Variants in C1QTNF3 observed in about 807,000 individuals in gnomAD.
The protein encoded by C1QTNF3 is C1q and TNF related 3.
C1QTNF3 carries 26 observed loss-of-function variants against 32.6 expected under a neutral mutation model. The observed-to-expected ratio is 0.80, with a 90% CI of 0.58 to 1.11. The LOEUF (loss-of-function observed/expected upper bound fraction) is 1.11, where lower values mean the gene tolerates loss of function less well. Ranked by LOEUF, C1QTNF3 falls within the 50% of genes least tolerant of loss-of-function variation. C1QTNF3 has a pLI of 0.00. For synonymous variants in C1QTNF3, 155 were observed against 146.0 expected (o/e 1.06, Z -0.44); for missense variants, 362 against 398.2 (o/e 0.91, Z 0.77).
At chr5:34,217,968 T>A in the C1QTNF3 span, among the ~76,000 whole-genome samples, 4 of 151,890 alleles carry the variant, frequency 2.6e-5, no homozygotes, top group African/African-American at 9.7e-5. Context: ...ACATTCCATT[T>A]TGGCCTATTT....
chr5:34,109,703 G>A, the C1QTNF3 span, among the ~76,000 whole-genome samples: 1 of 152,230 alleles, frequency 6.6e-6, no homozygotes, highest in Admixed American at 6.5e-5. Context: ...CAAAGTGATA[G>A]GGAACTCTGC....
the C1QTNF3 span, among the ~76,000 whole-genome samples, chr5:34,127,043 G>A: frequency 4.6e-5 from 7 of 152,172 alleles, no homozygotes; most frequent in African/African-American, 1.2e-4. Flanking sequence ...TTTGCCTTCC[G>A]CCATGATTGT....
chr5:34,058,428 G>GT, the C1QTNF3 span, among the ~76,000 whole-genome samples: 2 of 152,116 alleles, frequency 1.3e-5, no homozygotes, highest in Non-Finnish European at 2.9e-5. Context: ...CTTTTCTGTC[G>GT]TATTTCCGGC....
intron 3 of C1QTNF3, among the ~76,000 whole-genome samples, chr5:34,031,499 A>C (rs1754611943): frequency 6.6e-6 from 1 of 152,092 alleles, no homozygotes; most frequent in Non-Finnish European, 1.5e-5. Flanking sequence ...TTTGTTTGTA[A>C]ATTTATATTG....
At chr5:34,029,077 A>G (rs530187017) in intron 3 of C1QTNF3, 194 bp from the exon 4 acceptor site, 2 of 422,684 alleles carry the variant, frequency 4.7e-6, no homozygotes, top group South Asian at 4.9e-5. Context: ...GACAATGTCT[A>G]TCAACAGTTC....
chr5:34,030,840 C>G lies in C1QTNF3; in HGVS notation c.571-1957G>C, dbSNP rs150349377. On this transcript the variant is annotated intron_variant, in intron 3 of 5. Coordinates refer to ENST00000382065, the MANE Select transcript of C1QTNF3 (RefSeq NM_181435.6). ...AGCAAACTAATGCAGGAACAGAAAACCAAACACTGCATGTTCTCATGTATA... is the reference window on the plus strand; with the variant it reads ...AGCAAACTAATGCAGGAACAGAAAAGCAAACACTGCATGTTCTCATGTATA... 5.3e-3 allele frequency among the ~76,000 whole-genome samples: 808 copies of G among 152,194 alleles called. 7 individuals carry two copies. Among genetic ancestry groups the G allele is most frequent in the African/African-American group, 0.018 (766 of 41,530 alleles).
chr5:34,067,473 G>C, the C1QTNF3 span, among the ~76,000 whole-genome samples: 1 of 152,230 alleles, frequency 6.6e-6, no homozygotes, highest in African/African-American at 2.4e-5. Flanking sequence ...ATGGCAGAAG[G>C]CAAGGAGGAG....
chr5:34,139,667 A>G, the C1QTNF3 span, among the ~76,000 whole-genome samples: 9 of 152,210 alleles, frequency 5.9e-5, no homozygotes, highest in Non-Finnish European at 1.2e-4. Context: ...AAATAAAATG[A>G]TAGAACTAAT....
the C1QTNF3 span, among the ~76,000 whole-genome samples, chr5:34,213,796 TATATATATATATA>T: frequency 7.3e-4 from 2 of 2,750 alleles, no homozygotes; most frequent in Non-Finnish European, 1.9e-3. Context: ...CATATATATA[TATATATATATATA>T]TTTTTTTTTT....
chr5:34,074,217 C>A, the C1QTNF3 span, among the ~76,000 whole-genome samples: 1 of 148,870 alleles, frequency 6.7e-6, no homozygotes, highest in Non-Finnish European at 1.5e-5. Context: ...CACGTGTCTA[C>A]AAGAAAGATA....
the C1QTNF3 span, among the ~76,000 whole-genome samples, chr5:34,119,802 T>G: frequency 6.6e-6 from 1 of 152,152 alleles, no homozygotes; most frequent in African/African-American, 2.4e-5. Context: ...TAACTCCCTC[T>G]TCCATATTTT....
At chr5:34,068,792 G>GT in the C1QTNF3 span, among the ~76,000 whole-genome samples, 128 of 152,260 alleles carry the variant, frequency 8.4e-4, no homozygotes, top group African/African-American at 3.1e-3. Flanking sequence ...TTTACAGAGT[G>GT]TAACATTATA....
the C1QTNF3 span, among the ~76,000 whole-genome samples, chr5:34,214,689 A>C: frequency 6.6e-6 from 1 of 152,244 alleles, no homozygotes; most frequent in East Asian, 1.9e-4. Context: ...ACTAAGTCCC[A>C]TATTGTCATT....
the C1QTNF3 span, among the ~76,000 whole-genome samples, chr5:34,102,234 C>G: frequency 6.6e-6 from 1 of 152,094 alleles, no homozygotes; most frequent in African/African-American, 2.4e-5. Context: ...AGCATGACAT[C>G]TCATTTCGTC....
chr5:34,082,713 C>T, the C1QTNF3 span, among the ~76,000 whole-genome samples: 1 of 151,652 alleles, frequency 6.6e-6, no homozygotes, highest in Non-Finnish European at 1.5e-5. Context: ...TCTGAAACAC[C>T]TGAGAAAGCA....
chr5:34,079,097 C>T, the C1QTNF3 span, among the ~76,000 whole-genome samples: 9 of 151,414 alleles, frequency 5.9e-5, no homozygotes, highest in African/African-American at 2.2e-4. Flanking sequence ...ATATTTAGAA[C>T]ATAAAAAAAT....
chr5:34,115,622 T>G, the C1QTNF3 span, among the ~76,000 whole-genome samples: 1 of 151,816 alleles, frequency 6.6e-6, no homozygotes, highest in South Asian at 2.1e-4. Flanking sequence ...TCCCAGCTAT[T>G]CGGGAGGCTG....
the C1QTNF3 span, among the ~76,000 whole-genome samples, chr5:34,112,232 C>T: frequency 6.6e-6 from 1 of 151,988 alleles, no homozygotes; most frequent in Non-Finnish European, 1.5e-5. Flanking sequence ...ATTTTATTAC[C>T]AAGATGTATT....
At chr5:34,134,957 T>C in the C1QTNF3 span, among the ~76,000 whole-genome samples, 11 of 152,280 alleles carry the variant, frequency 7.2e-5, 1 homozygote, top group South Asian at 2.1e-3. Flanking sequence ...TCCAACACCA[T>C]GTTAAATAGG....
Sources: gnomAD v4.1 joint callset for allele counts (sites outside exome capture counted in the v4.1 genomes callset) on GRCh38, gnomAD v4.1.1 for gene constraint, MANE v1.5 for transcripts, NCBI Gene and HGNC (gene_info 2026-07-23, HGNC 2026-07-21) for gene names.